The following SYNE3 variants were observed in gnomAD, a reference collection of about 807,000 sequenced individuals.
SYNE3 encodes the protein nesprin-3.
A neutral mutation model predicts 111.2 loss-of-function variants in SYNE3; 100 were observed. The ratio of observed to expected loss-of-function variants is 0.90; its 90% CI spans 0.77 to 1.06. The LOEUF is 1.06. SYNE3 is among the 50% of genes least tolerant of loss of function. The pLI, the probability that SYNE3 is intolerant of heterozygous loss-of-function variation, is 0.00. For missense variants in SYNE3, 1,160 were observed against 1,240.3 expected (o/e 0.94, Z 0.97); for synonymous variants, 547 against 533.9 (o/e 1.02, Z -0.34).
chr14:95,474,908 A>G (rs971831216), intron 2 of SYNE3, among the ~76,000 whole-genome samples: 1 of 152,242 alleles, frequency 6.6e-6, no homozygotes, highest in Admixed American at 6.5e-5. Flanking sequence ...ATTATGGGAT[A>G]TCTAAATGGA....
chr14:95,438,931 G>T, intron 14 of SYNE3, 102 bp downstream of exon 14: 2 of 1,509,176 alleles, frequency 1.3e-6, no homozygotes, highest in South Asian at 1.2e-5. Context: ...TCAGAGCAGA[G>T]CATGTTGCCC....
chr14:95,474,077 G>C (rs1454750845), intron 2 of SYNE3, among the ~76,000 whole-genome samples: 4 of 150,420 alleles, frequency 2.7e-5, no homozygotes, highest in Non-Finnish European at 5.9e-5. Context: ...AGGCTGGTGT[G>C]AGCTTGTGAG....
In SYNE3 at chr14:95,446,791, G is replaced by T. The variant is rs200433786; in HGVS notation, c.1450-700C>A. Among the ~76,000 whole-genome samples, 3 of 152,214 alleles carry T rather than the reference G, an allele frequency of 2.0e-5. No homozygotes were observed. The East Asian group carries it at 5.8e-4, about 29-fold the overall frequency. ...ATAGCCCGAACTCTGCGCAGCCCAG[G>T]CCCTACCTCCTCCAGGAAGCCTTCC... is the stretch of plus-strand genomic sequence containing the variant. On this transcript the variant is annotated intron_variant, in intron 8 of 17. Transcript: ENST00000682763.
chr14:95,445,799 A>G (rs1243407991), intron 9 of SYNE3, 110 bp downstream of exon 9: 5 of 1,208,956 alleles, frequency 4.1e-6, no homozygotes, highest in Middle Eastern at 2.8e-4. Context: ...AGGGCCACAC[A>G]GTGGCAAGCG....
chr14:95,441,975 T>C (rs1403958806), intron 11 of SYNE3, among the ~76,000 whole-genome samples: 2 of 152,236 alleles, frequency 1.3e-5, no homozygotes, highest in Non-Finnish European at 2.9e-5. Flanking sequence ...GATTTTCTCA[T>C]GTCCTCCTAA....
chr14:95,452,334 T>A lies in SYNE3; in HGVS notation c.1187A>T (p.Gln396Leu). ...ASEEPRVDRL[Q>L]AQLKELIVFP... ...GACGATGAGCTCCTTCAGCTGGGCT[T>A]GCAGCCGGTCCACCCGGGGCTCCTC... Residue 396 changes from glutamine (Q) to leucine (L), a missense_variant, in exon 7 of 18, where the codon CAA (glutamine) becomes CTA (leucine). By Grantham distance (113) the Gln-to-Leu change is moderately radical. Coordinates refer to ENST00000682763, the MANE Select transcript of SYNE3 (RefSeq NM_152592.6). The A allele has an allele frequency of 6.2e-7, 1 of 1,613,884 alleles. No individual in the cohort carries two copies. Among genetic ancestry groups the A allele is most frequent in the Non-Finnish European group, 8.5e-7 (1 of 1,179,948 alleles).
intron 3 of SYNE3, among the ~76,000 whole-genome samples, chr14:95,467,572 A>G (rs2139481301): frequency 6.6e-6 from 1 of 152,278 alleles, no homozygotes; most frequent in South Asian, 2.1e-4. Flanking sequence ...GTCTCTTAGG[A>G]ATTGTTGACA....
chr14:95,422,304 A>G (rs896193135), intron 17 of SYNE3, among the ~76,000 whole-genome samples: 2 of 151,176 alleles, frequency 1.3e-5, no homozygotes, highest in East Asian at 2.0e-4. Context: ...TCCACTCTTC[A>G]CCTCACTCAG....
chr14:95,483,894 T>C (rs1595247103), intron 1 of SYNE3, among the ~76,000 whole-genome samples: 1 of 152,288 alleles, frequency 6.6e-6, no homozygotes, highest in South Asian at 2.1e-4. Flanking sequence ...TACTCTACAA[T>C]TACAGCCACA....
rs1304522168 is a variant in SYNE3 at position 95,443,148 on chromosome 14, C to T, written c.1911+7G>A. On this transcript the variant is annotated splice_region_variant and intron_variant, in intron 11 of 17. Transcript: ENST00000682763. ...TCAAAGCACAGGCCCTTCTGCCAGCCCCTTACCTCCAGAGACCTCTGCAGG... is the reference window on the plus strand; with the variant it reads ...TCAAAGCACAGGCCCTTCTGCCAGCTCCTTACCTCCAGAGACCTCTGCAGG... The T allele has an allele frequency of 1.9e-5, 31 of 1,613,660 alleles. No homozygotes were observed. Among genetic ancestry groups the T allele is most frequent in the Non-Finnish European group, 2.6e-5 (31 of 1,179,784 alleles).
intron 2 of SYNE3, 54 bp downstream of exon 2, chr14:95,475,623 CG>C (rs1888835005): frequency 6.5e-6 from 7 of 1,071,940 alleles, no homozygotes; most frequent in Non-Finnish European, 8.4e-6. Context: ...GGTCTGAGGG[CG>C]GGGTGGGATG....
chr14:95,509,242 G>A (rs1890636608), intron 1 of SYNE3, among the ~76,000 whole-genome samples: 1 of 152,206 alleles, frequency 6.6e-6, no homozygotes, highest in South Asian at 2.1e-4. Context: ...GAAGGGGCAG[G>A]GAGAAGGAGA....
At chr14:95,510,720 G>A (rs140389437) in intron 1 of SYNE3, among the ~76,000 whole-genome samples, 155 of 152,250 alleles carry the variant, frequency 1.0e-3, no homozygotes, top group African/African-American at 3.5e-3. Context: ...CCCGGGAGGC[G>A]GAGGTGGCAG....
chr14:95,462,534 C>G (rs187401124), intron 4 of SYNE3, among the ~76,000 whole-genome samples: 1 of 152,242 alleles, frequency 6.6e-6, no homozygotes, highest in African/African-American at 2.4e-5. Context: ...TCCCCCTCAC[C>G]GCACCCCAAA....
chr14:95,448,382 C>A (rs912469909), intron 8 of SYNE3, among the ~76,000 whole-genome samples: 1 of 103,452 alleles, frequency 9.7e-6, no homozygotes, highest in Admixed American at 9.8e-5. Flanking sequence ...AGGCCATGCC[C>A]TGCAGCTTAA....
At position 95,452,227 on chromosome 14, in the gene SYNE3, C is replaced by T; in HGVS notation, c.1274+20G>A. On this transcript the variant is annotated intron_variant, in intron 7 of 17. Coordinates refer to ENST00000682763, the MANE Select transcript of SYNE3 (RefSeq NM_152592.6). ...TTCCAGCACACCCTGAGTCCCACCA[C>T]CCTTGGCCTTCCCAGATACCTCTGA... is the stretch of plus-strand genomic sequence containing the variant. 6.3e-7 allele frequency: 1 copy of T among 1,579,022 alleles called. No individual in the cohort carries two copies.
At position 95,475,665 on chromosome 14, in the gene SYNE3, C is replaced by T. The variant is rs79224249; in HGVS notation, c.144+13G>A. On this transcript the variant is annotated intron_variant, in intron 2 of 17. Coordinates refer to ENST00000682763, the MANE Select transcript of SYNE3 (RefSeq NM_152592.6). Reference sequence around the variant, plus strand: ...AAGACCACAGGGCCATCTGAGGCCACGCCTCTGCATACCTCGGTCTCCCAC... The same window carrying T: ...AAGACCACAGGGCCATCTGAGGCCATGCCTCTGCATACCTCGGTCTCCCAC... 0.055 allele frequency: 83,383 copies of T among 1,511,574 alleles called. 2,839 individuals carry two copies. The highest frequency in any genetic ancestry group is 0.15 in the Admixed American group (7,027 of 45,482). The allele number at this position is 1,511,574 out of a possible 1,614,324, so 93.6% of individuals were successfully genotyped here. A position where few individuals can be genotyped will look rare whatever the true frequency, so the allele number is the denominator to read the frequency against.
At chr14:95,451,958 C>A (rs997367012) in intron 7 of SYNE3, 13 of 238,546 alleles carry the variant, frequency 5.4e-5, no homozygotes, top group Non-Finnish European at 9.6e-5. Flanking sequence ...TTTGGGCCAT[C>A]ACCCCTCCCC....
chr14:95,452,121 T>G, intron 7 of SYNE3, 126 bp downstream of exon 7: 6 of 1,178,518 alleles, frequency 5.1e-6, no homozygotes, highest in Non-Finnish European at 7.0e-6. Context: ...AGCCAGTCAT[T>G]GAGAGGTACA....
Sources: allele counts gnomAD v4.1 joint callset (sites outside exome capture counted in the v4.1 genomes callset), GRCh38; gene constraint gnomAD v4.1.1; transcripts MANE v1.5; gene names NCBI Gene and HGNC (gene_info 2026-07-23, HGNC 2026-07-21).